FGF14: variants seen among roughly 807,000 people sequenced by gnomAD.
FGF14 encodes the protein fibroblast growth factor homologous factor 4.
Under a neutral mutation model 25.5 loss-of-function variants are expected in FGF14, and 5 were observed. The ratio of observed to expected loss-of-function variants is 0.20; its 90% CI spans 0.10 to 0.41. FGF14 has a LOEUF of 0.41. Among genes scored for constraint, FGF14 ranks in the 10% least tolerant of loss-of-function variants. The pLI is 1.00. For synonymous variants in FGF14, 138 were observed against 118.3 expected (o/e 1.17, Z -1.08); for missense variants, 222 against 320.1 (o/e 0.69, Z 2.34).
At chr13:102,233,281 C>T (rs2051167510) in intron 1 of FGF14, among the ~76,000 whole-genome samples, 1 of 151,664 alleles carries the variant, frequency 6.6e-6, no homozygotes, top group Non-Finnish European at 1.5e-5. Flanking sequence ...ATTATAGGCG[C>T]CCACCACACC....
intron 3 of FGF14, among the ~76,000 whole-genome samples, chr13:101,733,678 T>C (rs1380175660): frequency 6.6e-6 from 1 of 151,148 alleles, no homozygotes; most frequent in Non-Finnish European, 1.5e-5. Context: ...AGTATATTTC[T>C]ACCAACAAAG....
At chr13:102,288,755 T>C (rs1317822797) in intron 1 of FGF14, among the ~76,000 whole-genome samples, 1 of 152,016 alleles carries the variant, frequency 6.6e-6, no homozygotes. Flanking sequence ...CAGCTAAGTT[T>C]TATATTTTTA....
chr13:102,203,981 A>T (rs1268379096), intron 1 of FGF14, among the ~76,000 whole-genome samples: 1 of 152,206 alleles, frequency 6.6e-6, no homozygotes, highest in Non-Finnish European at 1.5e-5. Context: ...GAAAGACTAC[A>T]TGACCAGGTA....
intron 1 of FGF14, among the ~76,000 whole-genome samples, chr13:102,016,440 T>C (rs910837576): frequency 3.9e-5 from 6 of 152,184 alleles, no homozygotes; most frequent in African/African-American, 1.4e-4. Flanking sequence ...AGTTAATTGC[T>C]ATAGCTGATT....
At chr13:101,996,728 C>T (rs7987311) in intron 1 of FGF14, among the ~76,000 whole-genome samples, 43,274 of 151,756 alleles carry the variant, frequency 0.29, 6,874 homozygotes, top group East Asian at 0.69. Context: ...AAAGGCATTC[C>T]TGATACTTCA....
chr13:102,394,096 C>G (rs932916722), intron 1 of FGF14, among the ~76,000 whole-genome samples: 3 of 152,184 alleles, frequency 2.0e-5, no homozygotes, highest in Admixed American at 6.5e-5. Context: ...AACTTCAGGA[C>G]CCGCCCAGGG....
intron 1 of FGF14, among the ~76,000 whole-genome samples, chr13:102,375,271 G>A (rs1482382927): frequency 6.6e-6 from 1 of 151,988 alleles, no homozygotes; most frequent in Non-Finnish European, 1.5e-5. Context: ...AGGCAGGATC[G>A]ATCCAGGGGC....
intron 1 of FGF14, among the ~76,000 whole-genome samples, chr13:101,992,354 T>C (rs2038957383): frequency 6.6e-6 from 1 of 152,078 alleles, no homozygotes; most frequent in African/African-American, 2.4e-5. Flanking sequence ...AAACCTCATA[T>C]TAAAGGGCCA....
intron 1 of FGF14, among the ~76,000 whole-genome samples, chr13:102,183,212 T>C (rs1340171580): frequency 1.3e-5 from 2 of 152,196 alleles, no homozygotes; most frequent in East Asian, 3.9e-4. Context: ...GACTCACCTA[T>C]AATATGTTCA....
chr13:102,290,796 A>G (rs1404469637), intron 1 of FGF14, among the ~76,000 whole-genome samples: 1 of 152,080 alleles, frequency 6.6e-6, no homozygotes, highest in East Asian at 1.9e-4. Context: ...GTCCCTCCAC[A>G]ATCCTTAAAA....
At chr13:101,733,512 T>C (rs1439134170) in intron 3 of FGF14, among the ~76,000 whole-genome samples, 6 of 150,966 alleles carry the variant, frequency 4.0e-5, no homozygotes, top group African/African-American at 1.5e-4. Context: ...GGAGACTCAC[T>C]TGAACCTGGG....
chr13:101,811,133 C>T (rs1359125039), intron 3 of FGF14, among the ~76,000 whole-genome samples: 2 of 146,910 alleles, frequency 1.4e-5, no homozygotes, highest in African/African-American at 2.5e-5. Context: ...CAAAGTCTAT[C>T]CCTTACATTA....
intron 1 of FGF14, among the ~76,000 whole-genome samples, chr13:101,970,944 C>G (rs1399862167): frequency 1.3e-5 from 2 of 152,154 alleles, no homozygotes; most frequent in Non-Finnish European, 1.5e-5. Flanking sequence ...ATTTAAGAGT[C>G]AACCATCTGG....
At chr13:102,361,192 G>A (rs979913758) in intron 1 of FGF14, among the ~76,000 whole-genome samples, 3 of 152,112 alleles carry the variant, frequency 2.0e-5, no homozygotes, top group African/African-American at 2.4e-5. Context: ...AATCAGAGCG[G>A]TTTCAAAGAA....
chr13:101,848,244 T>C (rs908232623), intron 3 of FGF14, among the ~76,000 whole-genome samples: 5 of 151,976 alleles, frequency 3.3e-5, no homozygotes, highest in African/African-American at 1.2e-4. Flanking sequence ...CATTTTACCT[T>C]TCATACTACT....
chr13:102,295,266 C>A (rs2054641807), intron 1 of FGF14, among the ~76,000 whole-genome samples: 2 of 152,120 alleles, frequency 1.3e-5, no homozygotes, highest in Non-Finnish European at 2.9e-5. Flanking sequence ...ATGTTCTCAA[C>A]CGTATCTACA....
intron 1 of FGF14, among the ~76,000 whole-genome samples, chr13:101,941,028 C>A (rs1342320016): frequency 6.6e-6 from 1 of 152,078 alleles, no homozygotes; most frequent in Non-Finnish European, 1.5e-5. Flanking sequence ...TCCTGCAGGT[C>A]AAGTGAAAAC....
chr13:102,350,534 T>C (rs2057246401), intron 1 of FGF14, among the ~76,000 whole-genome samples: 1 of 152,160 alleles, frequency 6.6e-6, no homozygotes, highest in South Asian at 2.1e-4. Flanking sequence ...CCCATCTCTC[T>C]TCCTATCTTG....
At chr13:101,986,451 C>T (rs776786989) in intron 1 of FGF14, among the ~76,000 whole-genome samples, 4 of 152,016 alleles carry the variant, frequency 2.6e-5, no homozygotes, top group Non-Finnish European at 4.4e-5. Flanking sequence ...TTCAAGTCAG[C>T]GTATCCAAGC....
Sources: gnomAD v4.1 joint callset for allele counts (sites outside exome capture counted in the v4.1 genomes callset) on GRCh38, gnomAD v4.1.1 for gene constraint, MANE v1.5 for transcripts, NCBI Gene and HGNC (gene_info 2026-07-23, HGNC 2026-07-21) for gene names.